Variants in ITPR1 observed in about 807,000 individuals in gnomAD.
The protein encoded by ITPR1 is inositol 1,4,5-trisphosphate receptor type 1, also known as inositol 1,4,5-trisphosphate-gated calcium channel ITPR1.
A neutral mutation model predicts 318.4 loss-of-function variants in ITPR1; 96 were observed. The observed-to-expected ratio is 0.30, with a 90% confidence interval of 0.26 to 0.36. The LOEUF (loss-of-function observed/expected upper bound fraction) is 0.36. Ranked by LOEUF, ITPR1 falls within the 10% of genes least tolerant of loss-of-function variation. The pLI is 1.00. For synonymous variants in ITPR1, 1,312 were observed against 1,289.9 expected (o/e 1.02, Z -0.37); for missense variants, 2,440 against 3,460.2 (o/e 0.71, Z 7.40).
At chr3:4,638,688 A>C (rs2093263368) in intron 5 of ITPR1, among the ~76,000 whole-genome samples, 1 of 152,228 alleles carries the variant, frequency 6.6e-6, no homozygotes, top group South Asian at 2.1e-4. Context: ...TTTCCTACCC[A>C]TCATCTAACT....
chr3:4,737,252 C>T (rs1312220340), intron 44 of ITPR1, among the ~76,000 whole-genome samples: 1 of 152,118 alleles, frequency 6.6e-6, no homozygotes, highest in Non-Finnish European at 1.5e-5. Context: ...CGTGGATGTG[C>T]ACATACGATG....
At chr3:4,814,298 CTT>C (rs2049139153) in intron 57 of ITPR1, 123 bp from the exon 58 acceptor site, 3 of 1,106,406 alleles carry the variant, frequency 2.7e-6, no homozygotes, top group Non-Finnish European at 4.1e-6. Context: ...ATTCTTGGCT[CTT>C]GATTCCTTAA....
At chr3:4,842,540 GTAT>G (rs2051428659) in intron 61 of ITPR1, among the ~76,000 whole-genome samples, 1 of 152,076 alleles carries the variant, frequency 6.6e-6, no homozygotes, top group East Asian at 1.9e-4. Context: ...GCTAATTTTT[GTAT>G]TTTTAGTAGA....
At chr3:4,666,490 C>T (rs2093948628) in intron 17 of ITPR1, among the ~76,000 whole-genome samples, 1 of 152,142 alleles carries the variant, frequency 6.6e-6, no homozygotes, top group South Asian at 2.1e-4. Context: ...AAACTAGTTA[C>T]TCTTGGAATT....
chr3:4,618,567 A>T (rs1025054424), intron 4 of ITPR1, among the ~76,000 whole-genome samples: 2 of 152,270 alleles, frequency 1.3e-5, no homozygotes, highest in East Asian at 1.9e-4. Context: ...TTCATATGCA[A>T]CCTTCCCCTA....
chr3:4,791,947 T>C (rs1419187287), intron 52 of ITPR1, among the ~76,000 whole-genome samples: 5 of 152,234 alleles, frequency 3.3e-5, no homozygotes, highest in Non-Finnish European at 5.9e-5. Context: ...ACGTTGATTA[T>C]CTTACAGTTC....
chr3:4,683,431 C>T lies in ITPR1; in HGVS notation c.3207C>T (p.Thr1069=), dbSNP rs186541002. Reference sequence around the variant, plus strand: ...ACTTGGATGACCACGGCGGCAGAACCTTTCTCCGTGTCCTGCTCCACTTGA... The same window carrying T: ...ACTTGGATGACCACGGCGGCAGAACTTTTCTCCGTGTCCTGCTCCACTTGA... ...PLDLDDHGGR[T]FLRVLLHLTM... Residue 1069 remains threonine (T), a synonymous_variant, in exon 27 of 62, where the codon ACC becomes ACT. Transcript: ENST00000649015. 3,553 of 1,614,050 alleles carry T rather than the reference C, an allele frequency of 2.2e-3. 5 individuals carry two copies. Among genetic ancestry groups the T allele is most frequent in the Non-Finnish European group, 2.7e-3 (3,227 of 1,179,896 alleles).
chr3:4,501,235 A>G (rs1258385246), intron 2 of ITPR1, among the ~76,000 whole-genome samples: 1 of 152,146 alleles, frequency 6.6e-6, no homozygotes, highest in African/African-American at 2.4e-5. Flanking sequence ...ACTTAAAAAG[A>G]ACTGTGTATG....
intron 4 of ITPR1, among the ~76,000 whole-genome samples, chr3:4,546,377 C>T (rs1295304955): frequency 6.6e-6 from 1 of 152,134 alleles, no homozygotes; most frequent in Non-Finnish European, 1.5e-5. Flanking sequence ...GTGGATTATA[C>T]CCATTTTCCA....
chr3:4,804,915 T>C (rs2048463742), intron 54 of ITPR1, among the ~76,000 whole-genome samples: 1 of 152,032 alleles, frequency 6.6e-6, no homozygotes, highest in Admixed American at 6.6e-5. Flanking sequence ...CCAAGGGAGC[T>C]AGAGTAGCAG....
rs1457308524 is a variant in ITPR1 at position 4,820,939 on chromosome 3, G to A, written c.8028+2697G>A. Among the ~76,000 whole-genome samples the A allele has an allele frequency of 2.0e-5, 3 of 152,332 alleles. No homozygotes were observed. In the East Asian group the frequency reaches 5.8e-4, roughly 29 times the overall value. Reference sequence around the variant, plus strand: ...CATGGGACCTCAGAGCTGCGGTGCAGAGGCTACAAGACCACCTGTGGGCCC... The same window carrying A: ...CATGGGACCTCAGAGCTGCGGTGCAAAGGCTACAAGACCACCTGTGGGCCC... On this transcript the variant is annotated intron_variant, in intron 60 of 61. Transcript: ENST00000649015.
chr3:4,692,032 T>G (rs2094487740), intron 32 of ITPR1, among the ~76,000 whole-genome samples: 2 of 151,854 alleles, frequency 1.3e-5, no homozygotes, highest in African/African-American at 4.8e-5. Flanking sequence ...CATGTGCCCA[T>G]AATCCCAGTT....
intron 2 of ITPR1, among the ~76,000 whole-genome samples, chr3:4,509,836 T>C (rs985489619): frequency 6.6e-6 from 1 of 152,170 alleles, no homozygotes; most frequent in East Asian, 1.9e-4. Flanking sequence ...AGGCAGCAGA[T>C]ACAATAGCAC....
chr3:4,562,928 G>A (rs2086829177), intron 4 of ITPR1, among the ~76,000 whole-genome samples: 1 of 149,780 alleles, frequency 6.7e-6, no homozygotes, highest in African/African-American at 2.5e-5. Flanking sequence ...TATAAAATAA[G>A]GAGGATGTGA....
rs1032324029 is a variant in ITPR1 at position 4,662,213 on chromosome 3, G to A, written c.1383G>A (p.Glu461=). 1.2e-6 allele frequency: 2 copies of A among 1,611,692 alleles called. No homozygotes were observed. Among genetic ancestry groups the A allele is most frequent in the African/African-American group, 1.3e-5 (1 of 74,872 alleles). ...KVLGSIAGKL[E]KGTITQNERR... ...TGGGCTCCATTGCTGGGAAGCTAGA[G>A]AAGGGCACCATCACCCAGAATGAAA... The change falls in exon 15 of 62, where the codon GAG becomes GAA. Residue 461 remains glutamate (E), a synonymous_variant. Coordinates refer to ENST00000649015, the MANE Select transcript of ITPR1 (RefSeq NM_001378452.1).
At chr3:4,624,402 C>G (rs2092747361) in intron 4 of ITPR1, among the ~76,000 whole-genome samples, 1 of 152,200 alleles carries the variant, frequency 6.6e-6, no homozygotes, top group Admixed American at 6.5e-5. Context: ...GGTGCAGTGT[C>G]TCACGCCTGT....
At chr3:4,634,618 A>T (rs2093122368) in intron 5 of ITPR1, among the ~76,000 whole-genome samples, 2 of 152,194 alleles carry the variant, frequency 1.3e-5, no homozygotes, top group South Asian at 4.1e-4. Flanking sequence ...TAGGAAAAGC[A>T]AAAAAATATT....
Position 4,826,904 on chromosome 3 carries a change from A to G in ITPR1, c.8028+8662A>G, listed in dbSNP as rs2050113694. Among the ~76,000 whole-genome samples, 1 of 152,150 alleles carries G rather than the reference A, an allele frequency of 6.6e-6. No homozygotes were observed. The highest frequency in any genetic ancestry group is 2.4e-5 in the African/African-American group (1 of 41,448). On this transcript the variant is annotated intron_variant, in intron 60 of 61. Coordinates refer to ENST00000649015, the MANE Select transcript of ITPR1 (RefSeq NM_001378452.1). This position sits in a 1 kb window ranked among gnomAD's most constrained non-coding sequence, Gnocchi z 4.2. The stretch of plus-strand genomic sequence containing the variant: ...AGGAGCTTGTGTGCTAAGGGAGAGC[A>G]TGGGGCGTGAGTCAGGTATACCCAG...
chr3:4,766,500 T>C, intron 44 of ITPR1, 30 bp from the exon 45 acceptor site: 3 of 1,602,430 alleles, frequency 1.9e-6, no homozygotes, highest in Non-Finnish European at 2.6e-6. Flanking sequence ...TCAGTTACAG[T>C]GTTCACAATC....
Sources: allele counts gnomAD v4.1 joint callset (sites outside exome capture counted in the v4.1 genomes callset), GRCh38; gene constraint gnomAD v4.1.1; non-coding constraint Gnocchi (gnomAD v3.1); transcripts MANE v1.5; gene names NCBI Gene and HGNC (gene_info 2026-07-23, HGNC 2026-07-21).